Variants in RAD54L2 observed in about 807,000 individuals in gnomAD.
RAD54L2 encodes the protein RAD54 like 2.
RAD54L2 carries 27 observed loss-of-function variants against 138.4 expected under a neutral mutation model. The observed-to-expected ratio is 0.20, with a 90% confidence interval of 0.14 to 0.27. RAD54L2 has a LOEUF of 0.27. Ranked by LOEUF, RAD54L2 falls within the 10% of genes least tolerant of loss-of-function variation. RAD54L2 has a pLI of 1.00. For missense variants in RAD54L2, 1,396 were observed against 1,890.2 expected (o/e 0.74, Z 4.85); for synonymous variants, 644 against 723.2 (o/e 0.89, Z 1.76).
chr3:51,645,860 C>G lies in RAD54L2; in HGVS notation c.2829+97C>G. The G allele has an allele frequency of 7.7e-7, 1 of 1,296,456 alleles. No homozygotes were observed. The highest frequency in any genetic ancestry group is 1.0e-6 in the Non-Finnish European group (1 of 957,626). 80.3% of individuals were successfully genotyped at this position (1,296,456 alleles called of 1,614,324 possible). ...TTTTTCTTCATCTGAGGTGATGTTT[C>G]ATGCAGGTGACTTGGACTCAAGGAC... On this transcript the variant is annotated intron_variant, in intron 18 of 22. Transcript: ENST00000684192. The surrounding 1 kb of genome is among the most constrained non-coding windows in gnomAD (Gnocchi z 6.1).
At chr3:51,575,099 AG>A (rs949715915) in intron 2 of RAD54L2, among the ~76,000 whole-genome samples, 1 of 152,232 alleles carries the variant, frequency 6.6e-6, no homozygotes, top group African/African-American at 2.4e-5. Context: ...TTTATTAAAT[AG>A]GGAATCCTTT....
At position 51,538,814 on chromosome 3, in the gene RAD54L2, C is replaced by T. The variant is rs1415682368; in HGVS notation, c.-218C>T. ...GGCTGCTTCCCGCCTCAGCCGCCGC[C>T]CCCGCCTCCGCCGCCGCAGACTTTG... On this transcript the variant is annotated 5_prime_UTR_variant, in exon 1 of 23. Transcript: ENST00000684192. 6.6e-6 allele frequency among the ~76,000 whole-genome samples: 1 copy of T among 151,912 alleles called. No homozygotes were observed. The highest frequency in any genetic ancestry group is 6.6e-5 in the Admixed American group (1 of 15,248).
intron 3 of RAD54L2, among the ~76,000 whole-genome samples, chr3:51,597,912 C>T (rs1700000278): frequency 1.3e-5 from 2 of 150,764 alleles, no homozygotes; most frequent in Admixed American, 6.6e-5. Context: ...CGAGATCACG[C>T]CACTGCACTC....
chr3:51,552,788 G>C (rs1412615084), intron 2 of RAD54L2, among the ~76,000 whole-genome samples: 1 of 150,866 alleles, frequency 6.6e-6, no homozygotes, highest in East Asian at 2.0e-4. Flanking sequence ...TTGAACCTCT[G>C]GGCTCAAACA....
intron 2 of RAD54L2, among the ~76,000 whole-genome samples, chr3:51,580,648 G>A (rs550843176): frequency 2.6e-4 from 40 of 152,250 alleles, no homozygotes; most frequent in Admixed American, 7.8e-4. Context: ...CTCCCATCAC[G>A]TAGGAAATTC....
At position 51,634,035 on chromosome 3, in the gene RAD54L2, A is replaced by G; in HGVS notation, c.1142A>G (p.Lys381Arg). 6.2e-7 allele frequency: 1 copy of G among 1,613,010 alleles called. No homozygotes were observed. Among genetic ancestry groups the G allele is most frequent in the South Asian group, 1.1e-5 (1 of 90,968 alleles). The change falls in exon 9 of 23, where the codon AAG (lysine) becomes AGG (arginine). Residue 381 changes from lysine to arginine, a missense_variant and splice_region_variant. By Grantham distance (26) the Lys-to-Arg change is conservative. Around this residue, in one of 7 missense-constraint regions of RAD54L2, gnomAD observed 169 missense variants for 235.6 expected, o/e 0.72. Transcript: ENST00000684192. ...GTTCACATCTTGAATGATGAGCACA[A>G]GTAGGTGGCCTGCCCTTTCCTCTCT... ...FKVHILNDEHKTMASRAKVMA... is the reference protein window; with the variant it reads ...FKVHILNDEHRTMASRAKVMA...
At chr3:51,653,855 A>C (rs758373281) in intron 19 of RAD54L2, among the ~76,000 whole-genome samples, 11 of 152,208 alleles carry the variant, frequency 7.2e-5, no homozygotes, top group Non-Finnish European at 1.3e-4. Context: ...TGGGTGCAGC[A>C]TACCAACATG....
At chr3:51,592,132 T>C (rs1432812530) in intron 3 of RAD54L2, among the ~76,000 whole-genome samples, 1 of 140,574 alleles carries the variant, frequency 7.1e-6, no homozygotes, top group Non-Finnish European at 1.5e-5. Flanking sequence ...TGGCGCCATC[T>C]TGGCTCACTG....
chr3:51,629,818 G>A (rs1277253830), intron 5 of RAD54L2, among the ~76,000 whole-genome samples: 1 of 152,056 alleles, frequency 6.6e-6, no homozygotes, highest in Non-Finnish European at 1.5e-5. Context: ...AGCTGAGACT[G>A]CGCCACTGTA....
At chr3:51,657,885 T>G (rs961478152) in intron 21 of RAD54L2, among the ~76,000 whole-genome samples, 8 of 151,222 alleles carry the variant, frequency 5.3e-5, no homozygotes, top group Admixed American at 4.6e-4. Flanking sequence ...AAGAAGGAAA[T>G]TAGGGTCCCT....
chr3:51,648,941 C>A (rs758946541), intron 19 of RAD54L2, among the ~76,000 whole-genome samples: 1 of 152,048 alleles, frequency 6.6e-6, no homozygotes, highest in Non-Finnish European at 1.5e-5. Context: ...CAAAGCTGGA[C>A]GGAGAATGAC....
chr3:51,608,796 G>C (rs1040272305), intron 3 of RAD54L2, among the ~76,000 whole-genome samples: 8 of 152,288 alleles, frequency 5.3e-5, no homozygotes, highest in African/African-American at 1.9e-4. Context: ...GCCTCGGCTC[G>C]GCATCAGAGG....
At chr3:51,567,799 A>G (rs1292873670) in intron 2 of RAD54L2, among the ~76,000 whole-genome samples, 4 of 152,062 alleles carry the variant, frequency 2.6e-5, no homozygotes, top group Non-Finnish European at 5.9e-5. Flanking sequence ...CCTTTTCAGT[A>G]CGTCATATCC....
chr3:51,662,359 T>G lies in RAD54L2; in HGVS notation c.3410-67T>G. 2.2e-6 allele frequency: 3 copies of G among 1,368,750 alleles called. No individual in the cohort carries two copies. The highest frequency in any genetic ancestry group is 5.2e-5 in the East Asian group (2 of 38,806). The allele number at this position is 1,368,750 out of a possible 1,614,324, so 84.8% of individuals were successfully genotyped here. On this transcript the variant is annotated intron_variant, in intron 22 of 22. Coordinates refer to ENST00000684192, the MANE Select transcript of RAD54L2 (RefSeq NM_015106.4). The surrounding 1 kb of genome is among the most constrained non-coding windows in gnomAD (Gnocchi z 4.6). ...CAGGACAGGATTTTTTTTAATGGAG[T>G]TTTCTCCTCTACCCTTCTTCTCTCC...
At chr3:51,568,238 G>A (rs774797970) in intron 2 of RAD54L2, among the ~76,000 whole-genome samples, 12 of 152,144 alleles carry the variant, frequency 7.9e-5, no homozygotes, top group Non-Finnish European at 1.5e-4. Flanking sequence ...ATGTAACAGT[G>A]AGTTGCACTC....
chr3:51,612,199 T>A (rs1027810072), intron 3 of RAD54L2, among the ~76,000 whole-genome samples: 1 of 152,196 alleles, frequency 6.6e-6, no homozygotes, highest in African/African-American at 2.4e-5. Flanking sequence ...GTACAGTGGC[T>A]CATGCCTGTA....
intron 2 of RAD54L2, among the ~76,000 whole-genome samples, chr3:51,569,101 T>G (rs183218968): frequency 2.9e-4 from 44 of 152,284 alleles, no homozygotes; most frequent in Admixed American, 1.4e-3. Context: ...TGCAACAATT[T>G]GATTGGTTAC....
At chr3:51,628,451 C>A (rs556992213) in intron 4 of RAD54L2, among the ~76,000 whole-genome samples, 3 of 150,572 alleles carry the variant, frequency 2.0e-5, no homozygotes, top group Admixed American at 6.6e-5. Context: ...AGTGCAGTGG[C>A]GTGATCTTGG....
intron 2 of RAD54L2, among the ~76,000 whole-genome samples, chr3:51,581,934 T>C (rs1699615735): frequency 6.6e-6 from 1 of 151,948 alleles, no homozygotes; most frequent in Admixed American, 6.6e-5. Context: ...CTTTTCTTTT[T>C]TTTTTTTTTG....
Sources: allele counts gnomAD v4.1 joint callset (sites outside exome capture counted in the v4.1 genomes callset), GRCh38; gene constraint gnomAD v4.1.1; regional missense constraint gnomAD v4.1.1; non-coding constraint Gnocchi (gnomAD v3.1); transcripts MANE v1.5; gene names NCBI Gene and HGNC (gene_info 2026-07-23, HGNC 2026-07-21).